The following EEFSEC variants were observed in gnomAD, a reference collection of about 807,000 sequenced individuals.
EEFSEC encodes the protein selenocysteine-specific elongation factor.
Under a neutral mutation model 42.1 loss-of-function variants are expected in EEFSEC, and 43 were observed. The observed-to-expected ratio is 1.02, with a 90% confidence interval of 0.80 to 1.32. EEFSEC has a LOEUF of 1.32. Among genes scored for constraint, EEFSEC ranks in the 40% most tolerant of loss-of-function variants. EEFSEC has a pLI of 0.00. For synonymous variants in EEFSEC, 354 were observed against 339.1 expected (o/e 1.04, Z -0.48); for missense variants, 745 against 803.6 (o/e 0.93, Z 0.88).
At chr3:128,249,736 T>G (rs2066165007) in intron 2 of EEFSEC, among the ~76,000 whole-genome samples, 1 of 152,258 alleles carries the variant, frequency 6.6e-6, no homozygotes, top group Non-Finnish European at 1.5e-5. Flanking sequence ...GTTTTTAAGG[T>G]CCATCCTTAT....
At chr3:128,403,643 G>A (rs985542427) in intron 6 of EEFSEC, among the ~76,000 whole-genome samples, 7 of 152,166 alleles carry the variant, frequency 4.6e-5, no homozygotes, top group East Asian at 1.9e-4. Flanking sequence ...CCAGGCCCTC[G>A]TACCGCACCA....
At chr3:128,420,801 A>T in the EEFSEC span, among the ~76,000 whole-genome samples, 1 of 152,056 alleles carries the variant, frequency 6.6e-6, no homozygotes. Context: ...TGAGCTGGGA[A>T]ATACACACTG....
the EEFSEC span, among the ~76,000 whole-genome samples, chr3:128,414,187 C>T: frequency 1.1e-4 from 16 of 152,346 alleles, no homozygotes; most frequent in Admixed American, 2.6e-4. Context: ...CTGGGACCCC[C>T]GGGCAACCTA....
At chr3:128,189,070 C>A (rs2065494175) in intron 1 of EEFSEC, among the ~76,000 whole-genome samples, 3 of 152,166 alleles carry the variant, frequency 2.0e-5, no homozygotes, top group Admixed American at 2.0e-4. Context: ...TCCAGCACAG[C>A]AAGACAGGCA....
chr3:128,250,072 C>T (rs932346489), intron 2 of EEFSEC, among the ~76,000 whole-genome samples: 29 of 152,000 alleles, frequency 1.9e-4, no homozygotes, highest in African/African-American at 6.8e-4. Flanking sequence ...CTATTCAAGT[C>T]CTTTGTACAT....
At chr3:128,425,757 G>A in the EEFSEC span, among the ~76,000 whole-genome samples, 1 of 152,226 alleles carries the variant, frequency 6.6e-6, no homozygotes, top group African/African-American at 2.4e-5. Context: ...CAAGAAACCA[G>A]GCAGCCTGGG....
chr3:128,383,942 C>T (rs1248165062), intron 6 of EEFSEC, among the ~76,000 whole-genome samples: 1 of 152,236 alleles, frequency 6.6e-6, no homozygotes, highest in Non-Finnish European at 1.5e-5. Flanking sequence ...TCTAGCTTTT[C>T]AAGACAAACT....
intron 5 of EEFSEC, among the ~76,000 whole-genome samples, chr3:128,350,580 C>T (rs1318120615): frequency 2.0e-5 from 3 of 152,256 alleles, no homozygotes; most frequent in African/African-American, 7.2e-5. Flanking sequence ...TTTCTTCTGA[C>T]TTCCAGTATC....
chr3:128,266,505 ATTAC>A (rs2107936952), intron 4 of EEFSEC, among the ~76,000 whole-genome samples: 1 of 152,128 alleles, frequency 6.6e-6, no homozygotes, highest in South Asian at 2.1e-4. Context: ...CAGTGTGTCT[ATTAC>A]TTCCTTCTGC....
chr3:128,414,570 CAAGA>C, the EEFSEC span, among the ~76,000 whole-genome samples: 2 of 152,200 alleles, frequency 1.3e-5, no homozygotes, highest in African/African-American at 4.8e-5. Context: ...GGTTAATTAC[CAAGA>C]AAGACTCTCC....
chr3:128,264,651 A>T lies in EEFSEC; in HGVS notation c.656A>T (p.Asp219Val). ...LTSQISIPTR[D>V]PSGPFLMSVD... ...TCCCAGATTTCCATCCCAACGAGAG[A>T]TCCCTCGGGACCGTTCCTCATGTCT... The change falls in exon 4 of 7, where the codon GAT becomes GTT. Residue 219 changes from aspartate (D) to valine (V), a missense_variant. Transcript: ENST00000254730. 1.2e-6 allele frequency: 2 copies of T among 1,613,394 alleles called. No individual in the cohort carries two copies. The highest frequency in any genetic ancestry group is 2.2e-5 in the South Asian group (2 of 91,012).
chr3:128,347,869 G>C (rs2067331586), intron 5 of EEFSEC, among the ~76,000 whole-genome samples: 2 of 152,104 alleles, frequency 1.3e-5, no homozygotes, highest in African/African-American at 4.8e-5. Flanking sequence ...TTAAAATCAG[G>C]CCTACTAGAC....
intron 6 of EEFSEC, among the ~76,000 whole-genome samples, chr3:128,394,695 C>A (rs2067960430): frequency 6.6e-6 from 1 of 152,218 alleles, no homozygotes; most frequent in East Asian, 1.9e-4. Context: ...CCACCAGGAA[C>A]CATGCTCCCC....
chr3:128,378,695 C>A (rs1263879970), intron 6 of EEFSEC, among the ~76,000 whole-genome samples: 1 of 152,222 alleles, frequency 6.6e-6, no homozygotes, highest in East Asian at 1.9e-4. Context: ...GCCCTCTCTC[C>A]TGTGCCTGAC....
In EEFSEC at chr3:128,361,995, G is replaced by A. The variant is rs932254644; in HGVS notation, c.1600+3622G>A. 2.6e-5 allele frequency among the ~76,000 whole-genome samples: 4 copies of A among 152,172 alleles called. No individual in the cohort carries two copies. The East Asian group carries it at 7.7e-4, about 29-fold the overall frequency. On this transcript the variant is annotated intron_variant, in intron 6 of 6. Coordinates refer to ENST00000254730, the MANE Select transcript of EEFSEC (RefSeq NM_021937.5). ...GGAGCCGGGTAGCAGAGAGCCTGAG[G>A]GCTTTGCCCACGGTCTGTCTGTGTC... is the stretch of plus-strand genomic sequence containing the variant.
At chr3:128,352,411 G>A (rs2067398829) in intron 5 of EEFSEC, among the ~76,000 whole-genome samples, 1 of 152,218 alleles carries the variant, frequency 6.6e-6, no homozygotes, top group African/African-American at 2.4e-5. Context: ...GCTCAGACCA[G>A]CTCCTGCCTT....
chr3:128,304,540 C>T (rs907307605), intron 4 of EEFSEC, among the ~76,000 whole-genome samples: 1 of 152,034 alleles, frequency 6.6e-6, no homozygotes, highest in Non-Finnish European at 1.5e-5. Context: ...TCCGTTGATT[C>T]TCTTGAGTTT....
intron 4 of EEFSEC, among the ~76,000 whole-genome samples, chr3:128,323,877 AG>A (rs2067034677): frequency 6.6e-6 from 1 of 152,184 alleles, no homozygotes; most frequent in Non-Finnish European, 1.5e-5. Flanking sequence ...CAGCAGAGTG[AG>A]GATGCAGGAT....
chr3:128,185,274 T>C (rs575976214), intron 1 of EEFSEC, among the ~76,000 whole-genome samples: 1 of 152,264 alleles, frequency 6.6e-6, no homozygotes, highest in Admixed American at 6.5e-5. Context: ...AATTATCTTT[T>C]GGGGGGATAA....
Sources: gnomAD v4.1 joint callset for allele counts (sites outside exome capture counted in the v4.1 genomes callset) on GRCh38, gnomAD v4.1.1 for gene constraint, MANE v1.5 for transcripts, NCBI Gene and HGNC (gene_info 2026-07-23, HGNC 2026-07-21) for gene names.